The following NCOR2 variants were observed in gnomAD, a reference collection of about 807,000 sequenced individuals.
The protein encoded by NCOR2 is CTG repeat protein 26.
In NCOR2, 81 loss-of-function variants were observed where a neutral mutation model predicts 262.9. The observed-to-expected ratio is 0.31, with a 90% CI of 0.26 to 0.37. The LOEUF (loss-of-function observed/expected upper bound fraction) is 0.37. Among genes scored for constraint, NCOR2 ranks in the 10% least tolerant of loss-of-function variants. The pLI is 1.00. For missense variants in NCOR2, 3,385 were observed against 3,621.4 expected, an observed-to-expected ratio of 0.93 and a Z score of 1.68; for synonymous variants, 1,659 against 1,559.3, an observed-to-expected ratio of 1.06 and a Z score of -1.51.
chr12:124,487,907 C>A (rs2047865364), intron 1 of NCOR2, among the ~76,000 whole-genome samples: 1 of 151,214 alleles, frequency 6.6e-6, no homozygotes, highest in African/African-American at 2.4e-5. Flanking sequence ...AGTAACAAGC[C>A]TCTCAAACAA....
chr12:124,498,562 G>A (rs184395797), upstream of NCOR2, among the ~76,000 whole-genome samples: 2 of 152,124 alleles, frequency 1.3e-5, no homozygotes, highest in East Asian at 1.9e-4. Context: ...CCTGAGCCAC[G>A]TTTCCTGCCA....
At chr12:124,493,497 T>C (rs944790035) in intron 1 of NCOR2, among the ~76,000 whole-genome samples, 1 of 152,206 alleles carries the variant, frequency 6.6e-6, no homozygotes, top group African/African-American at 2.4e-5. Context: ...CCCCACTTTA[T>C]GGGTGACAAA....
At chr12:124,393,156 G>T (rs1270801913) in intron 16 of NCOR2, among the ~76,000 whole-genome samples, 1 of 152,220 alleles carries the variant, frequency 6.6e-6, no homozygotes, top group African/African-American at 2.4e-5. Context: ...GCACAGCTGG[G>T]TCAGGCTTCC....
At chr12:124,402,771 C>T (rs1346361228) in intron 13 of NCOR2, among the ~76,000 whole-genome samples, 1 of 152,072 alleles carries the variant, frequency 6.6e-6, no homozygotes, top group East Asian at 1.9e-4. Context: ...GCCCTAGGGG[C>T]CTGGGGAGGC....
chr12:124,532,187 C>T (rs1566031896), intron 1 of NCOR2, among the ~76,000 whole-genome samples: 1 of 152,128 alleles, frequency 6.6e-6, no homozygotes, highest in Admixed American at 6.5e-5. Flanking sequence ...TAGCGAGTGT[C>T]GGCCCTGAGG....
chr12:124,334,453 A>G, exon 41 of NCOR2: 2 of 1,499,826 alleles, frequency 1.3e-6, no homozygotes, highest in South Asian at 1.3e-5. Flanking sequence ...GGGGGGAGCC[A>G]CGGGCCGGGG....
At chr12:124,372,654 G>C (rs2039591143) in intron 19 of NCOR2, 44 bp from the exon 22 acceptor site, 1 of 1,539,086 alleles carries the variant, frequency 6.5e-7, no homozygotes, top group Non-Finnish European at 8.8e-7. Flanking sequence ...GGGTCTGGCG[G>C]GGCCTCCAGA....
At chr12:124,396,071 G>A (rs528082474) in intron 16 of NCOR2, among the ~76,000 whole-genome samples, 27 of 152,298 alleles carry the variant, frequency 1.8e-4, no homozygotes, top group African/African-American at 6.3e-4. Flanking sequence ...AAAGGAGCCA[G>A]ACACAAAAGG....
At chr12:124,377,364 C>T (rs570453132) in intron 18 of NCOR2, among the ~76,000 whole-genome samples, 21 of 152,252 alleles carry the variant, frequency 1.4e-4, no homozygotes, top group Admixed American at 3.9e-4. Flanking sequence ...GCCTGAGCCT[C>T]GGTTTCCCCA....
chr12:124,446,438 C>T (rs915232914), intron 7 of NCOR2, among the ~76,000 whole-genome samples: 1 of 152,170 alleles, frequency 6.6e-6, no homozygotes, highest in Non-Finnish European at 1.5e-5. Context: ...TACCAGCCCC[C>T]CGTGACCTGG....
intron 30 of NCOR2, 183 bp downstream of exon 32, chr12:124,347,642 T>G (rs2037048500): frequency 1.6e-6 from 1 of 618,848 alleles, no homozygotes; most frequent in Non-Finnish European, 2.8e-6. Flanking sequence ...GTTTTTGTTT[T>G]GAAATAAGTA....
At chr12:124,460,476 A>G (rs1333398784) in intron 5 of NCOR2, among the ~76,000 whole-genome samples, 2 of 152,206 alleles carry the variant, frequency 1.3e-5, no homozygotes, top group African/African-American at 4.8e-5. Flanking sequence ...AGGGCCCAGC[A>G]CAGGGTTGAG....
At position 124,342,907 on chromosome 12, in the gene NCOR2, T is replaced by C. The variant is rs1019599653; in HGVS notation, c.4936+98A>G. Reference sequence around the variant, plus strand: ...CTCAGTTTCGCCATCCAGGGGAACCTGACAGTTGATGCCTAAGGAGTCCCT... The same window carrying C: ...CTCAGTTTCGCCATCCAGGGGAACCCGACAGTTGATGCCTAAGGAGTCCCT... On this transcript the variant is annotated intron_variant, in intron 33 of 46. Coordinates refer to ENST00000405201, the Ensembl canonical transcript of NCOR2. 1.2e-5 allele frequency: 16 copies of C among 1,339,368 alleles called. No individual in the cohort carries two copies. The African/African-American group carries it at 2.2e-4, about 19-fold the overall frequency. 83.0% of individuals were successfully genotyped at this position (1,339,368 alleles called of 1,614,324 possible). A position where few individuals can be genotyped will look rare whatever the true frequency, so the allele number is the denominator to read the frequency against.
At chr12:124,388,603 C>T (rs911208582) in intron 16 of NCOR2, 3 of 1,276,914 alleles carry the variant, frequency 2.3e-6, no homozygotes, top group Non-Finnish European at 2.1e-6. Context: ...AGCTGCCCAG[C>T]CTCAAATCCC....
At chr12:124,555,086 G>A (rs2051839701) in intron 1 of NCOR2, among the ~76,000 whole-genome samples, 1 of 152,242 alleles carries the variant, frequency 6.6e-6, no homozygotes. Context: ...GGAGCTGTGT[G>A]TCCTGAGCCA....
At position 124,389,176 on chromosome 12, in the gene NCOR2, C is replaced by T. The variant is rs1593330475; in HGVS notation, c.1877-3289G>A. Among the ~76,000 whole-genome samples, 1 of 152,248 alleles carries T rather than the reference C, an allele frequency of 6.6e-6. No homozygotes were observed. Among genetic ancestry groups the T allele is most frequent in the Non-Finnish European group, 1.5e-5 (1 of 68,038 alleles). On this transcript the variant is annotated intron_variant, in intron 16 of 46. Coordinates refer to ENST00000405201, the Ensembl canonical transcript of NCOR2. The surrounding 1 kb of genome is among the most constrained non-coding windows in gnomAD (Gnocchi z 4.4). Reference sequence around the variant, plus strand: ...CCAGCACCAATGTGCCCAGTGCGGACGCTCAGCGAGCAATGCCGGCCAGAG... The same window carrying T: ...CCAGCACCAATGTGCCCAGTGCGGATGCTCAGCGAGCAATGCCGGCCAGAG...
At chr12:124,472,441 A>G (rs1049360072) in intron 4 of NCOR2, among the ~76,000 whole-genome samples, 7 of 152,202 alleles carry the variant, frequency 4.6e-5, no homozygotes, top group African/African-American at 1.7e-4. Context: ...CACAGCTAGT[A>G]AAGAGCAGTT....
intron 1 of NCOR2, among the ~76,000 whole-genome samples, chr12:124,550,047 G>A (rs1001496217): frequency 7.9e-5 from 12 of 152,158 alleles, no homozygotes; most frequent in African/African-American, 2.4e-4. Context: ...CCAGAGGACC[G>A]CAGGCAATGT....
chr12:124,453,999 C>T (rs1355978396), intron 6 of NCOR2, among the ~76,000 whole-genome samples: 1 of 152,230 alleles, frequency 6.6e-6, no homozygotes, highest in Non-Finnish European at 1.5e-5. Flanking sequence ...GACTCTGTGA[C>T]CCACAGCACC....
Sources: allele counts gnomAD v4.1 joint callset (sites outside exome capture counted in the v4.1 genomes callset), GRCh38; gene constraint gnomAD v4.1.1; non-coding constraint Gnocchi (gnomAD v3.1); transcripts MANE v1.5; gene names NCBI Gene and HGNC (gene_info 2026-07-23, HGNC 2026-07-21).